TNRC6A: variants seen among roughly 807,000 people sequenced by gnomAD.
TNRC6A encodes the protein trinucleotide repeat containing adaptor 6A.
Under a neutral mutation model 221.2 loss-of-function variants are expected in TNRC6A, and 44 were observed. The ratio of observed to expected loss-of-function variants is 0.20; its 90% confidence interval spans 0.16 to 0.26. The LOEUF is 0.26. TNRC6A is among the 10% of genes least tolerant of loss of function. TNRC6A has a pLI of 1.00. For synonymous variants in TNRC6A, 847 were observed against 838.5 expected (o/e 1.01, Z -0.18); for missense variants, 2,199 against 2,404.4 (o/e 0.91, Z 1.79).
At chr16:24,694,189 G>A (rs1206528540) in intron 2 of TNRC6A, among the ~76,000 whole-genome samples, 1 of 152,114 alleles carries the variant, frequency 6.6e-6, no homozygotes, top group Non-Finnish European at 1.5e-5. Context: ...CAGGGAAAGT[G>A]ACAGTGCTTA....
chr16:24,719,840 CAAAA>C (rs59027857), intron 2 of TNRC6A, among the ~76,000 whole-genome samples: 1 of 103,010 alleles, frequency 9.7e-6, no homozygotes, highest in Admixed American at 9.7e-5. Context: ...GACCTTGTCT[CAAAA>C]AAAAAAAAAA....
At chr16:24,639,400 G>C (rs1010878546) in intron 1 of TNRC6A, among the ~76,000 whole-genome samples, 4 of 152,210 alleles carry the variant, frequency 2.6e-5, no homozygotes, top group African/African-American at 9.6e-5. Flanking sequence ...AGCTGACGTA[G>C]GAGGATCTCT....
At chr16:24,688,269 G>A (rs1475059306) in intron 2 of TNRC6A, among the ~76,000 whole-genome samples, 5 of 152,042 alleles carry the variant, frequency 3.3e-5, no homozygotes, top group African/African-American at 1.2e-4. Context: ...GCTAGTAGGT[G>A]AAACCCTACT....
chr16:24,633,930 CCACCA>C (rs1490818627), intron 1 of TNRC6A, among the ~76,000 whole-genome samples: 1 of 152,000 alleles, frequency 6.6e-6, no homozygotes, highest in African/African-American at 2.4e-5. Flanking sequence ...CAGTCATGCA[CCACCA>C]CACCTGGCTA....
Position 24,789,350 on chromosome 16 carries a change from A to G in TNRC6A, c.708A>G (p.Lys236=). The change falls in exon 6 of 25, where the codon AAA becomes AAG. Residue 236 remains lysine (K), a synonymous_variant. Coordinates refer to ENST00000395799, the MANE Select transcript of TNRC6A (RefSeq NM_014494.4). ...KNAVVSDLSE[K]EAWPSAPGSD... ...CTGTTGTAAGTGACTTGTCGGAAAA[A>G]GAAGCATGGCCCTCAGCCCCTGGCA... 1 of 1,614,220 alleles carries G rather than the reference A, an allele frequency of 6.2e-7. No homozygotes were observed. The highest frequency in any genetic ancestry group is 8.5e-7 in the Non-Finnish European group (1 of 1,180,044).
At chr16:24,809,533 GAAT>G in intron 18 of TNRC6A, 52 bp downstream of exon 18, 1 of 1,425,736 alleles carries the variant, frequency 7.0e-7, no homozygotes, top group South Asian at 1.7e-5. Context: ...CACACCTGCA[GAAT>G]ACTAGATTTA....
At chr16:24,661,033 G>C (rs979496287) in intron 2 of TNRC6A, among the ~76,000 whole-genome samples, 1 of 151,746 alleles carries the variant, frequency 6.6e-6, no homozygotes, top group African/African-American at 2.4e-5. Context: ...GAGCCACCAC[G>C]CCCTGCCCAG....
At position 24,822,259 on chromosome 16, in the gene TNRC6A, G is replaced by T; in HGVS notation, c.5373+112G>T. ...CTAGGTGGTAGTGAAGCCGAGCAGA[G>T]GAAACAGCAGAGGAGTGGTCTGTAG... On this transcript the variant is annotated intron_variant, in intron 23 of 24. Coordinates refer to ENST00000395799, the MANE Select transcript of TNRC6A (RefSeq NM_014494.4). The T allele has an allele frequency of 2.9e-6, 3 of 1,018,102 alleles. No individual in the cohort carries two copies. In the South Asian group the frequency reaches 4.3e-5, roughly 15 times the overall value. 63.1% of individuals were successfully genotyped at this position (1,018,102 alleles called of 1,614,324 possible). A position where few individuals can be genotyped will look rare whatever the true frequency, so the allele number is the denominator to read the frequency against.
At chr16:24,793,236 G>A (rs2058147730) in intron 6 of TNRC6A, 1 of 306,506 alleles carries the variant, frequency 3.3e-6, no homozygotes, top group South Asian at 1.6e-4. Context: ...TCAGCTCTAG[G>A]TCTAGAGGGT....
chr16:24,814,266 A>C (rs1430642686), intron 18 of TNRC6A, among the ~76,000 whole-genome samples: 1 of 151,938 alleles, frequency 6.6e-6, no homozygotes, highest in Non-Finnish European at 1.5e-5. Flanking sequence ...TGTGTGTTAT[A>C]GATGTTCATA....
chr16:24,659,874 C>T (rs1198986323), intron 2 of TNRC6A, among the ~76,000 whole-genome samples: 1 of 152,116 alleles, frequency 6.6e-6, no homozygotes, highest in Non-Finnish European at 1.5e-5. Flanking sequence ...AAAGATGTAT[C>T]CTCTATTATT....
At position 24,822,109 on chromosome 16, in the gene TNRC6A, A is replaced by G. The variant is rs1596843539; in HGVS notation, c.5335A>G (p.Ile1779Val). The G allele has an allele frequency of 5.0e-6, 8 of 1,614,142 alleles. No individual in the cohort carries two copies. Among genetic ancestry groups the G allele is most frequent in the Non-Finnish European group, 6.8e-6 (8 of 1,179,998 alleles). The part of the protein sequence containing the change: ...SSWGESSSGR[I>V]TNWLVLKNLT... ...CTGGGGTGAGAGCAGCTCAGGGAGA[A>G]TAACAAATTGGCTTGTTCTAAAAAA... The change falls in exon 23 of 25, where the codon ATA (isoleucine) becomes GTA (valine). Residue 1779 changes from isoleucine (I) to valine (V), a missense_variant. Physicochemically the swap from Ile to Val is conservative, Grantham distance 29. Transcript: ENST00000395799.
At chr16:24,771,589 GTT>G (rs1485489973) in intron 4 of TNRC6A, among the ~76,000 whole-genome samples, 22 of 148,258 alleles carry the variant, frequency 1.5e-4, no homozygotes, top group Non-Finnish European at 3.1e-4. Context: ...ATGTTGTTAT[GTT>G]ATGTTATGTT....
intron 18 of TNRC6A, 103 bp downstream of exon 18, chr16:24,809,584 A>C: frequency 7.7e-7 from 1 of 1,306,098 alleles, no homozygotes; most frequent in Non-Finnish European, 9.9e-7. Context: ...TCAAAGCCAA[A>C]TTATCTTAGA....
chr16:24,750,108 C>G (rs1209986660), intron 2 of TNRC6A, among the ~76,000 whole-genome samples: 1 of 152,156 alleles, frequency 6.6e-6, no homozygotes, highest in Non-Finnish European at 1.5e-5. Flanking sequence ...CCACTGCATT[C>G]CAGCCTGGGT....
chr16:24,806,123 TA>T, intron 15 of TNRC6A, 82 bp from the exon 16 acceptor site: 1 of 1,504,320 alleles, frequency 6.6e-7, no homozygotes, highest in Non-Finnish European at 9.1e-7. Context: ...CGTGCCTCTG[TA>T]GGTCCATCTG....
Position 24,806,703 on chromosome 16 carries a change from C to T in TNRC6A, c.4459C>T (p.Leu1487Phe). 6.2e-7 allele frequency: 1 copy of T among 1,614,188 alleles called. No homozygotes were observed. Among genetic ancestry groups the T allele is most frequent in the African/African-American group, 1.3e-5 (1 of 75,042 alleles). ...CCATCAGCCAGCCATGAAGTCTTTC[C>T]TTGACAATGTCATGCCCCACACTAC... ...PLHQPAMKSFLDNVMPHTTPE... is the reference protein window; with the variant it reads ...PLHQPAMKSFFDNVMPHTTPE... Residue 1487 changes from leucine to phenylalanine, a missense_variant, in exon 17 of 25, where the codon CTT becomes TTT. Around this residue, in one of 8 missense-constraint regions of TNRC6A, gnomAD observed 449 missense variants for 579.7 expected, o/e 0.77. Transcript: ENST00000395799.
At chr16:24,697,033 A>G (rs918764137) in intron 2 of TNRC6A, among the ~76,000 whole-genome samples, 4 of 152,270 alleles carry the variant, frequency 2.6e-5, no homozygotes, top group African/African-American at 7.2e-5. Flanking sequence ...GTGAGTGACT[A>G]TGGTTCACCG....
chr16:24,689,778 G>A (rs1285336796), intron 2 of TNRC6A, among the ~76,000 whole-genome samples: 1 of 151,856 alleles, frequency 6.6e-6, no homozygotes, highest in Non-Finnish European at 1.5e-5. Context: ...TTGAGACAGG[G>A]TCTCACTTGT....
Sources: allele counts gnomAD v4.1 joint callset (sites outside exome capture counted in the v4.1 genomes callset), GRCh38; gene constraint gnomAD v4.1.1; regional missense constraint gnomAD v4.1.1; transcripts MANE v1.5; gene names NCBI Gene and HGNC (gene_info 2026-07-23, HGNC 2026-07-21).